MAN2A2: variants seen among roughly 807,000 people sequenced by gnomAD.
MAN2A2 encodes the protein mannosidase alpha class 2A member 2, also known as alpha-mannosidase 2x.
MAN2A2 carries 79 observed loss-of-function variants against 126.8 expected under a neutral mutation model. The observed-to-expected ratio is 0.62, with a 90% CI of 0.52 to 0.75. The LOEUF is 0.75. Among genes scored for constraint, MAN2A2 ranks in the 30% least tolerant of loss-of-function variants. The probability of loss-of-function intolerance (pLI) is 0.00; values close to 1 mark genes in which losing one functional copy is unlikely to be tolerated. For synonymous variants in MAN2A2, 671 were observed against 618.7 expected (o/e 1.08, Z -1.25); for missense variants, 1,392 against 1,522.4 (o/e 0.91, Z 1.43).
intron 20 of MAN2A2, among the ~76,000 whole-genome samples, chr15:90,917,036 A>G (rs1436997654): frequency 6.6e-6 from 1 of 152,242 alleles, no homozygotes; most frequent in Middle Eastern, 3.2e-3. Context: ...GAGGCAGGAA[A>G]GACAACAGGC....
intron 7 of MAN2A2, 91 bp downstream of exon 7, chr15:90,907,004 C>T (rs2034350375): frequency 6.8e-7 from 1 of 1,471,220 alleles, no homozygotes; most frequent in East Asian, 2.3e-5. Context: ...CACTGTTCTT[C>T]AGAGCAGACC....
At position 90,911,397 on chromosome 15, in the gene MAN2A2, A is replaced by G. The variant is rs761287621; in HGVS notation, c.1956A>G (p.Leu652=). The part of the protein sequence containing the change: ...QLDSSPRFVV[L]FNPLEQERFS... The stretch of plus-strand genomic sequence containing the variant: ...CTTCTACGCACAGGTTTGTGGTCCT[A>G]TTCAACCCACTGGAACAGGAGCGAT... The change falls in exon 14 of 23, where the codon CTA becomes CTG. Residue 652 remains leucine (L), a synonymous_variant. Transcript: ENST00000559717. The G allele has an allele frequency of 3.7e-6, 6 of 1,614,210 alleles. No individual in the cohort carries two copies. Among genetic ancestry groups the G allele is most frequent in the Middle Eastern group, 1.6e-4 (1 of 6,062 alleles).
chr15:90,905,894 C>T lies in MAN2A2; in HGVS notation c.585C>T (p.Ile195=), dbSNP rs762040880. 3.1e-6 allele frequency: 5 copies of T among 1,599,060 alleles called. No homozygotes were observed. In the Admixed American group the frequency reaches 5.4e-5, roughly 17 times the overall value. The change falls in exon 5 of 23, where the codon ATC becomes ATT. Residue 195 remains isoleucine, a synonymous_variant. Transcript: ENST00000559717. ...DKYYTEQTQH[I]LNSMVSKLQE... ...ACTACACAGAGCAGACCCAACACAT[C>T]CTCAATAGCATGGTGTCTAAGCTGC...
chr15:90,916,616 T>C, intron 20 of MAN2A2: 1 of 1,313,008 alleles, frequency 7.6e-7, no homozygotes. Context: ...GGCAGCCATG[T>C]TTAGGGGCTT....
In MAN2A2 at chr15:90,911,476, G is replaced by A. The variant is rs759375495; in HGVS notation, c.2035G>A (p.Glu679Lys). Residue 679 changes from glutamate (E) to lysine (K), a missense_variant, in exon 14 of 23, where the codon GAG becomes AAG. Physicochemically the swap from Glu to Lys is moderately conservative, Grantham distance 56. Coordinates refer to ENST00000559717, the MANE Select transcript of MAN2A2 (RefSeq NM_006122.4). ...TCCCCGCGTGCGTGTCCTTTCGGAG[G>A]AGGGTCAGCCCCTGGCCGTGCAGAT... ...NSPRVRVLSE[E>K]GQPLAVQISA... 9.1e-5 allele frequency: 147 copies of A among 1,614,210 alleles called. 3 individuals carry two copies. In the South Asian group the frequency reaches 1.6e-3, roughly 17 times the overall value.
chr15:90,919,625 C>T lies in MAN2A2; in HGVS notation c.3301-10C>T. ...CTAGCACAACCCTGCCCCTTCTCTGCTCTCCACAGGTAGCCCTGGGCAGCC... is the reference window on the plus strand; with the variant it reads ...CTAGCACAACCCTGCCCCTTCTCTGTTCTCCACAGGTAGCCCTGGGCAGCC... On this transcript the variant is annotated splice_polypyrimidine_tract_variant and intron_variant, in intron 22 of 22. Coordinates refer to ENST00000559717, the MANE Select transcript of MAN2A2 (RefSeq NM_006122.4). 6.2e-7 allele frequency: 1 copy of T among 1,613,704 alleles called. No individual in the cohort carries two copies. The highest frequency in any genetic ancestry group is 8.5e-7 in the Non-Finnish European group (1 of 1,179,772).
chr15:90,918,106 A>T lies in MAN2A2; in HGVS notation c.2995-88A>T, dbSNP rs946318883. ...CACCAGGAAAGGTCTTTCCAAAACA[A>T]CTGACCTGGGTGTGCTTTTATCCTG... On this transcript the variant is annotated intron_variant, in intron 20 of 22. Transcript: ENST00000559717. The T allele has an allele frequency of 2.3e-6, 3 of 1,301,096 alleles. No homozygotes were observed. In the Admixed American group the frequency reaches 5.8e-5, roughly 25 times the overall value. 80.6% of individuals were successfully genotyped at this position (1,301,096 alleles called of 1,614,324 possible).
intron 20 of MAN2A2, among the ~76,000 whole-genome samples, chr15:90,917,240 C>T (rs529430996): frequency 1.2e-4 from 19 of 152,344 alleles, no homozygotes; most frequent in Admixed American, 9.2e-4. Context: ...CGGATATTTC[C>T]ATCCTTGCAG....
rs1491374744 is a variant in MAN2A2, at chr15:90,909,605, C to CCT, written c.1374+101_1374+102insCT. The CCT allele has an allele frequency of 2.3e-3, 1,922 of 847,034 alleles. 2 individuals carry two copies. The highest frequency in any genetic ancestry group is 4.1e-3 in the Admixed American group (121 of 29,838). 52.5% of individuals were successfully genotyped at this position (847,034 alleles called of 1,614,324 possible). A position where few individuals can be genotyped will look rare whatever the true frequency, so the allele number is the denominator to read the frequency against. On this transcript the variant is annotated intron_variant, in intron 9 of 22. Coordinates refer to ENST00000559717, the MANE Select transcript of MAN2A2 (RefSeq NM_006122.4). ...TTCCCAACTCGGGCAGGGTGCCCCC[C>CCT]TTTTTTTTTTTTTTTTGAGATGGAG... is the stretch of plus-strand genomic sequence containing the variant.
At position 90,918,386 on chromosome 15, in the gene MAN2A2, G is replaced by A. The variant is rs2035349064; in HGVS notation, c.3187G>A (p.Glu1063Lys). 1.9e-6 allele frequency: 3 copies of A among 1,612,974 alleles called. No homozygotes were observed. The highest frequency in any genetic ancestry group is 2.5e-6 in the Non-Finnish European group (3 of 1,179,256). ...GCTCAACCTACGTACGCTCCAGGCT[G>A]AGGTGAGTGTCCCTCAGCGTGACAT... ...HLLNLRTLQA[E>K]EDTLPSAETA... Residue 1063 changes from glutamate (E) to lysine (K), a missense_variant and splice_region_variant, in exon 21 of 23, where the codon GAG becomes AAG. Transcript: ENST00000559717.
Position 90,903,395 on chromosome 15 carries a change from T to C in MAN2A2, c.-56T>C, listed in dbSNP as rs1405623550. The C allele has an allele frequency of 6.6e-6, 1 of 152,486 alleles. No homozygotes were observed. The highest frequency in any genetic ancestry group is 1.5e-5 in the Non-Finnish European group (1 of 68,286). The allele number at this position is 152,486 out of a possible 1,614,324, so 9.4% of individuals were successfully genotyped here. A position where few individuals can be genotyped will look rare whatever the true frequency, so the allele number is the denominator to read the frequency against. On this transcript the variant is annotated 5_prime_UTR_variant, in exon 1 of 23. Coordinates refer to ENST00000559717, the MANE Select transcript of MAN2A2 (RefSeq NM_006122.4). Reference sequence around the variant, plus strand: ...CTCCGGAGCGCGGTCCCGCCCACGCTCGGCTCCGCAGTTAGCGTCCTCCTT... The same window carrying C: ...CTCCGGAGCGCGGTCCCGCCCACGCCCGGCTCCGCAGTTAGCGTCCTCCTT...
chr15:90,918,554 G>A, intron 21 of MAN2A2, 91 bp from the exon 22 acceptor site: 1 of 1,214,004 alleles, frequency 8.2e-7, no homozygotes, highest in Non-Finnish European at 1.2e-6. Context: ...ACGCCTCCCT[G>A]TGCCAGCACT....
rs767771868 is a variant in MAN2A2 at position 90,912,860 on chromosome 15, A to G, written c.2470-17A>G. The G allele has an allele frequency of 6.2e-6, 10 of 1,605,530 alleles. No homozygotes were observed. The highest frequency in any genetic ancestry group is 2.2e-5 in the East Asian group (1 of 44,750). ...CCTCTGTGCTGTAGTTTCAACAGCA[A>G]TCTGCTCTTTCTCTAGCCCTACGTC... On this transcript the variant is annotated splice_polypyrimidine_tract_variant and intron_variant, in intron 16 of 22. Coordinates refer to ENST00000559717, the MANE Select transcript of MAN2A2 (RefSeq NM_006122.4).
At chr15:90,916,682 G>A (rs1230888134) in intron 20 of MAN2A2, 12 of 1,291,200 alleles carry the variant, frequency 9.3e-6, no homozygotes, top group South Asian at 1.2e-5. Context: ...CTCTGGGAGC[G>A]GGGAACTAGT....
chr15:90,912,094 C>T lies in MAN2A2; in HGVS notation c.2161C>T (p.Gln721Ter). The change falls in exon 15 of 23, where the codon CAG becomes TAG. Residue 721 changes from glutamine to a stop codon, truncating the protein, a stop_gained. Coordinates refer to ENST00000559717, the MANE Select transcript of MAN2A2 (RefSeq NM_006122.4). LOFTEE classifies it high-confidence loss of function. ...CCTGGGCCTGGGCGTGCTGCAGCTA[C>T]AGCTGGGCCTGGATGGGCACCGCAC... ...PALGLGVLQL[Q>*]LGLDGHRTLP... The T allele has an allele frequency of 6.2e-7, 1 of 1,613,448 alleles. No individual in the cohort carries two copies.
chr15:90,910,810 T>C (rs1320942632), intron 11 of MAN2A2, 37 bp from the exon 12 acceptor site: 2 of 1,603,592 alleles, frequency 1.2e-6, no homozygotes, highest in Non-Finnish European at 1.7e-6. Flanking sequence ...TTCCCTATGG[T>C]CATCTTCTCT....
chr15:90,916,591 C>T lies in MAN2A2; in HGVS notation c.2994+335C>T, dbSNP rs1050010426. The T allele has an allele frequency of 4.5e-6, 6 of 1,341,258 alleles. No homozygotes were observed. In the African/African-American group the frequency reaches 7.4e-5, roughly 16 times the overall value. The allele number at this position is 1,341,258 out of a possible 1,614,324, so 83.1% of individuals were successfully genotyped here. ...GGCTTTCTTTGCCCCACCAGCCTGA[C>T]TTTTTCTCCAAACTGGCAGCCATGT... On this transcript the variant is annotated intron_variant, in intron 20 of 22. Coordinates refer to ENST00000559717, the MANE Select transcript of MAN2A2 (RefSeq NM_006122.4).
chr15:90,915,673 A>G (rs2035112285), intron 19 of MAN2A2, among the ~76,000 whole-genome samples: 1 of 152,168 alleles, frequency 6.6e-6, no homozygotes, highest in Non-Finnish European at 1.5e-5. Flanking sequence ...CAAGGGCAGG[A>G]GAGCCTGTGT....
In MAN2A2 at chr15:90,911,460, G is replaced by A. The variant is rs1414178127; in HGVS notation, c.2019G>A (p.Val673=). 3.7e-6 allele frequency: 6 copies of A among 1,614,110 alleles called. No individual in the cohort carries two copies. The South Asian group carries it at 5.5e-5, about 15-fold the overall frequency. Residue 673 remains valine, a synonymous_variant, in exon 14 of 23, where the codon GTG becomes GTA. Coordinates refer to ENST00000559717, the MANE Select transcript of MAN2A2 (RefSeq NM_006122.4). ...MVSLLVNSPR[V]RVLSEEGQPL... is the part of the protein sequence containing the mutation. ...CCCTGCTGGTCAACTCTCCCCGCGT[G>A]CGTGTCCTTTCGGAGGAGGGTCAGC...
Sources: gnomAD v4.1 joint callset for allele counts (sites outside exome capture counted in the v4.1 genomes callset) on GRCh38, gnomAD v4.1.1 for gene constraint, MANE v1.5 for transcripts, NCBI Gene and HGNC (gene_info 2026-07-23, HGNC 2026-07-21) for gene names.